The following SEMA3A variants were observed in gnomAD, a reference collection of about 807,000 sequenced individuals.
SEMA3A encodes semaphorin 3A.
A neutral mutation model predicts 97.9 loss-of-function variants in SEMA3A; 29 were observed. The observed-to-expected ratio is 0.30, with a 90% CI of 0.22 to 0.40. The LOEUF (loss-of-function observed/expected upper bound fraction) is 0.40, where lower values mean the gene tolerates loss of function less well. SEMA3A is among the 10% of genes least tolerant of loss of function. The probability of loss-of-function intolerance (pLI) is 1.00; values close to 1 mark genes in which losing one functional copy is unlikely to be tolerated. For synonymous variants in SEMA3A, 321 were observed against 323.7 expected (o/e 0.99, Z 0.09); for missense variants, 763 against 951.3 (o/e 0.80, Z 2.60).
intron 4 of SEMA3A, among the ~76,000 whole-genome samples, chr7:84,061,408 C>G (rs1793210633): frequency 6.6e-6 from 1 of 152,112 alleles, no homozygotes; most frequent in Admixed American, 6.5e-5. Flanking sequence ...ATGTGTCTAC[C>G]TACTGCACTC....
At chr7:84,011,326 A>C in intron 7 of SEMA3A, 29 bp from the exon 8 acceptor site, 1 of 1,316,102 alleles carries the variant, frequency 7.6e-7, no homozygotes, top group South Asian at 1.2e-5. Flanking sequence ...AGTGTTAGGC[A>C]CTGTTAATGA....
intron 1 of SEMA3A, among the ~76,000 whole-genome samples, chr7:84,187,397 T>A (rs1347559341): frequency 1.3e-5 from 2 of 152,160 alleles, no homozygotes; most frequent in Non-Finnish European, 2.9e-5. Flanking sequence ...AAATCTGGGT[T>A]TTTGTCCAAA....
At chr7:83,990,635 G>A (rs1453775526) in intron 12 of SEMA3A, among the ~76,000 whole-genome samples, 2 of 146,892 alleles carry the variant, frequency 1.4e-5, no homozygotes, top group Non-Finnish European at 3.0e-5. Context: ...TTGTAGATAT[G>A]TGGCTCTATT....
chr7:84,317,619 C>G (rs903008819), intron 2 of SEMA3A, among the ~76,000 whole-genome samples: 2 of 151,838 alleles, frequency 1.3e-5, no homozygotes, highest in African/African-American at 2.4e-5. Flanking sequence ...TTCATTTTTC[C>G]AGGCATCTGC....
chr7:84,426,477 C>A (rs536070155), intron 1 of SEMA3A, among the ~76,000 whole-genome samples: 3 of 152,144 alleles, frequency 2.0e-5, no homozygotes, highest in Non-Finnish European at 2.9e-5. Flanking sequence ...TAACACTGCA[C>A]AAATTATGTA....
chr7:83,974,136 G>C (rs1283495704), intron 15 of SEMA3A, among the ~76,000 whole-genome samples: 2 of 152,056 alleles, frequency 1.3e-5, no homozygotes, highest in African/African-American at 4.8e-5. Flanking sequence ...GGGAAGACAA[G>C]AGTTGCCAGC....
intron 3 of SEMA3A, among the ~76,000 whole-genome samples, chr7:84,240,336 A>C (rs144099948): frequency 1.3e-5 from 2 of 152,098 alleles, no homozygotes; most frequent in East Asian, 3.9e-4. Context: ...GATATGATTA[A>C]GTTAACGATC....
chr7:84,474,875 T>G (rs945648913), intron 1 of SEMA3A, among the ~76,000 whole-genome samples: 1 of 151,970 alleles, frequency 6.6e-6, no homozygotes, highest in Non-Finnish European at 1.5e-5. Flanking sequence ...CTCTCTATTT[T>G]AGGGGATCAG....
intron 3 of SEMA3A, among the ~76,000 whole-genome samples, chr7:84,230,806 G>C (rs1053773065): frequency 3.3e-5 from 5 of 151,844 alleles, no homozygotes; most frequent in Non-Finnish European, 7.4e-5. Context: ...ATTACACAAT[G>C]TTTTTAATGC....
chr7:84,156,758 T>G (rs1271910436), intron 1 of SEMA3A, among the ~76,000 whole-genome samples: 2 of 152,130 alleles, frequency 1.3e-5, no homozygotes, highest in East Asian at 3.9e-4. Flanking sequence ...TATATTTATT[T>G]GAACGAAAGT....
chr7:84,460,157 T>A (rs980940261), intron 1 of SEMA3A, among the ~76,000 whole-genome samples: 1 of 152,196 alleles, frequency 6.6e-6, no homozygotes, highest in African/African-American at 2.4e-5. Flanking sequence ...TAAGAATTCT[T>A]GGTGTAGAAT....
rs572998120 is a variant in SEMA3A, at chr7:84,076,162, C to T, written c.454-15604G>A. Among the ~76,000 whole-genome samples, 10 of 152,172 alleles carry T rather than the reference C, an allele frequency of 6.6e-5. No individual in the cohort carries two copies. In the South Asian group the frequency reaches 2.1e-3, roughly 32 times the overall value. ...CACTTATGGGACACTTATGGTATAT[C>T]TTTGTTATGATAGATAGCATATGAA... On this transcript the variant is annotated intron_variant, in intron 4 of 16. Transcript: ENST00000265362.
intron 1 of SEMA3A, among the ~76,000 whole-genome samples, chr7:84,436,478 T>C (rs1441057242): frequency 6.6e-6 from 1 of 152,132 alleles, no homozygotes; most frequent in African/African-American, 2.4e-5. Context: ...CTTAAGCAAT[T>C]CAATAAGGAA....
intron 1 of SEMA3A, among the ~76,000 whole-genome samples, chr7:84,386,928 A>G (rs1562928721): frequency 6.6e-6 from 1 of 152,122 alleles, no homozygotes; most frequent in African/African-American, 2.4e-5. Context: ...TGAACCCAGG[A>G]GGCAGAGGTT....
chr7:84,202,993 A>C (rs930581855), intron 3 of SEMA3A, among the ~76,000 whole-genome samples: 4 of 152,064 alleles, frequency 2.6e-5, no homozygotes, highest in African/African-American at 4.8e-5. Context: ...TATCTTCTCT[A>C]TTCTTCTAGA....
intron 2 of SEMA3A, among the ~76,000 whole-genome samples, chr7:84,353,763 G>A (rs1180156852): frequency 3.3e-5 from 5 of 151,464 alleles, no homozygotes; most frequent in Non-Finnish European, 7.4e-5. Flanking sequence ...TTTGGGGGGA[G>A]GATAAGGAAG....
chr7:84,253,397 G>C (rs978411945), intron 3 of SEMA3A, among the ~76,000 whole-genome samples: 27 of 152,010 alleles, frequency 1.8e-4, no homozygotes, highest in African/African-American at 5.8e-4. Flanking sequence ...GGGTCACAAT[G>C]TGTCTATTAG....
intron 12 of SEMA3A, among the ~76,000 whole-genome samples, chr7:83,989,346 T>C (rs1789786417): frequency 6.6e-6 from 1 of 152,126 alleles, no homozygotes; most frequent in East Asian, 1.9e-4. Context: ...TTTTAAGTTT[T>C]AGGGTACATG....
intron 7 of SEMA3A, among the ~76,000 whole-genome samples, chr7:84,012,145 G>A (rs936200933): frequency 3.3e-5 from 5 of 152,008 alleles, no homozygotes; most frequent in African/African-American, 1.2e-4. Context: ...GAGTTTAAGA[G>A]ATCTATTGTA....
Sources: gnomAD v4.1 joint callset for allele counts (sites outside exome capture counted in the v4.1 genomes callset) on GRCh38, gnomAD v4.1.1 for gene constraint, MANE v1.5 for transcripts, NCBI Gene and HGNC (gene_info 2026-07-23, HGNC 2026-07-21) for gene names.